Variants in KCNH8 observed in about 807,000 individuals in gnomAD.
KCNH8 encodes potassium voltage-gated channel subfamily H member 8, also known as voltage-gated delayed rectifier potassium channel KCNH8.
A neutral mutation model predicts 103.6 loss-of-function variants in KCNH8; 70 were observed. The observed-to-expected ratio is 0.68, with a 90% CI of 0.56 to 0.82. The LOEUF (loss-of-function observed/expected upper bound fraction) is 0.82, where lower values mean the gene tolerates loss of function less well. KCNH8 is among the 40% of genes least tolerant of loss of function. The pLI is 0.00. For synonymous variants in KCNH8, 498 were observed against 489.4 expected (o/e 1.02, Z -0.23); for missense variants, 1,217 against 1,329.9 (o/e 0.92, Z 1.32).
At chr3:19,389,613 G>C (rs1469438203) in intron 5 of KCNH8, among the ~76,000 whole-genome samples, 2 of 151,968 alleles carry the variant, frequency 1.3e-5, no homozygotes, top group African/African-American at 4.8e-5. Flanking sequence ...ATAGATTTCA[G>C]ATTATATTTA....
At chr3:19,293,018 G>A (rs906336375) in intron 3 of KCNH8, among the ~76,000 whole-genome samples, 5 of 152,186 alleles carry the variant, frequency 3.3e-5, no homozygotes, top group African/African-American at 7.2e-5. Context: ...AATAGAAATA[G>A]CCAAAAGAGA....
intron 1 of KCNH8, among the ~76,000 whole-genome samples, chr3:19,187,093 T>C (rs939026253): frequency 2.0e-5 from 3 of 152,022 alleles, no homozygotes; most frequent in African/African-American, 7.2e-5. Flanking sequence ...GTTGTTCTTT[T>C]TGTTTTTTTG....
At chr3:19,335,691 A>G (rs989112109) in intron 3 of KCNH8, among the ~76,000 whole-genome samples, 1 of 151,558 alleles carries the variant, frequency 6.6e-6, no homozygotes, top group African/African-American at 2.4e-5. Context: ...GTGACATGAG[A>G]TGGTCTTTTT....
chr3:19,357,833 G>A (rs572195573), intron 5 of KCNH8, among the ~76,000 whole-genome samples: 27 of 151,912 alleles, frequency 1.8e-4, no homozygotes, highest in East Asian at 7.8e-4. Context: ...ACAGGATAGC[G>A]TAATGGGGAA....
chr3:19,208,023 A>G (rs915906046), intron 1 of KCNH8, among the ~76,000 whole-genome samples: 3 of 152,078 alleles, frequency 2.0e-5, no homozygotes, highest in African/African-American at 7.2e-5. Context: ...TCTAAGAATT[A>G]TTAAAATAAG....
intron 11 of KCNH8, among the ~76,000 whole-genome samples, chr3:19,503,359 A>G (rs1424438907): frequency 2.0e-5 from 3 of 152,230 alleles, no homozygotes; most frequent in Non-Finnish European, 4.4e-5. Context: ...CCATTGTGGA[A>G]GTCAGTGTGG....
intron 3 of KCNH8, among the ~76,000 whole-genome samples, chr3:19,290,576 C>G (rs2064905210): frequency 6.6e-6 from 1 of 152,204 alleles, no homozygotes; most frequent in Admixed American, 6.5e-5. Flanking sequence ...TTGAACCAGC[C>G]TTGCATCCCA....
chr3:19,301,598 T>A (rs1311833769), intron 3 of KCNH8, among the ~76,000 whole-genome samples: 1 of 152,114 alleles, frequency 6.6e-6, no homozygotes, highest in East Asian at 1.9e-4. Flanking sequence ...CATCAAGCAA[T>A]TCTCCAATTC....
At chr3:19,286,911 T>C (rs185536130) in intron 3 of KCNH8, among the ~76,000 whole-genome samples, 131 of 152,282 alleles carry the variant, frequency 8.6e-4, no homozygotes, top group Non-Finnish European at 1.7e-3. Context: ...CAAACATAAT[T>C]AATGACTTTA....
intron 5 of KCNH8, among the ~76,000 whole-genome samples, chr3:19,364,354 C>T (rs1484039390): frequency 6.6e-6 from 1 of 152,110 alleles, no homozygotes; most frequent in Non-Finnish European, 1.5e-5. Flanking sequence ...CTCAATACGG[C>T]ATTCATGGCT....
intron 5 of KCNH8, among the ~76,000 whole-genome samples, chr3:19,370,042 CTT>C: frequency 6.6e-6 from 1 of 152,204 alleles, no homozygotes; most frequent in East Asian, 1.9e-4. Context: ...ACTTGCTACT[CTT>C]TAACTTTAAA....
At position 19,370,677 on chromosome 3, in the gene KCNH8, T is replaced by G. The variant is rs539645409; in HGVS notation, c.812-19804T>G. ...ACATTGTGCAGGTTATTTACATATG[T>G]ATACATGTGCCATGCTGGTGCACTG... is the stretch of plus-strand genomic sequence containing the variant. On this transcript the variant is annotated intron_variant, in intron 5 of 15. Coordinates refer to ENST00000328405, the MANE Select transcript of KCNH8 (RefSeq NM_144633.3). Among the ~76,000 whole-genome samples, 3 of 152,280 alleles carry G rather than the reference T, an allele frequency of 2.0e-5. No individual in the cohort carries two copies. In the East Asian group the frequency reaches 5.8e-4, roughly 29 times the overall value.
At chr3:19,355,014 G>T (rs547022453) in intron 5 of KCNH8, among the ~76,000 whole-genome samples, 2 of 152,020 alleles carry the variant, frequency 1.3e-5, no homozygotes, top group East Asian at 1.9e-4. Flanking sequence ...GAATCTACAA[G>T]AAACTCAAAC....
intron 3 of KCNH8, among the ~76,000 whole-genome samples, chr3:19,288,314 G>A: frequency 6.8e-6 from 1 of 147,768 alleles, no homozygotes; most frequent in Non-Finnish European, 1.5e-5. Flanking sequence ...GTGCCATGTT[G>A]GTGTGCTGCA....
chr3:19,171,308 G>A (rs1000940326), intron 1 of KCNH8, among the ~76,000 whole-genome samples: 1 of 151,978 alleles, frequency 6.6e-6, no homozygotes, highest in Non-Finnish European at 1.5e-5. Context: ...TCTGAAAAAC[G>A]TTCTCACTTG....
intron 3 of KCNH8, among the ~76,000 whole-genome samples, chr3:19,340,586 A>G (rs1244447375): frequency 1.3e-5 from 2 of 152,120 alleles, no homozygotes; most frequent in African/African-American, 4.8e-5. Context: ...CTTGAACAGT[A>G]GCCTTTTAGA....
intron 1 of KCNH8, among the ~76,000 whole-genome samples, chr3:19,195,771 A>T (rs976345955): frequency 6.6e-6 from 1 of 151,966 alleles, no homozygotes; most frequent in South Asian, 2.1e-4. Context: ...AGAAAGAAAG[A>T]TCAGTTAGGA....
At chr3:19,416,616 T>C (rs2066866902) in intron 7 of KCNH8, among the ~76,000 whole-genome samples, 1 of 152,178 alleles carries the variant, frequency 6.6e-6, no homozygotes, top group South Asian at 2.1e-4. Flanking sequence ...TCATCTTCAA[T>C]AGCGCTCTTT....
chr3:19,431,354 A>G (rs539330783), intron 7 of KCNH8, among the ~76,000 whole-genome samples: 1 of 152,292 alleles, frequency 6.6e-6, no homozygotes, highest in African/African-American at 2.4e-5. Context: ...GTGATGGATA[A>G]GCTTTTTGAT....
Sources: allele counts gnomAD v4.1 joint callset (sites outside exome capture counted in the v4.1 genomes callset), GRCh38; gene constraint gnomAD v4.1.1; transcripts MANE v1.5; gene names NCBI Gene and HGNC (gene_info 2026-07-23, HGNC 2026-07-21).